KIAA2012: variants seen among roughly 807,000 people sequenced by gnomAD.
KIAA2012 encodes KIAA2012, also known as uncharacterized protein KIAA2012.
A neutral mutation model predicts 150.6 loss-of-function variants in KIAA2012; 125 were observed. The ratio of observed to expected loss-of-function variants is 0.83; its 90% CI spans 0.72 to 0.96. The LOEUF is 0.96. KIAA2012 is among the 40% of genes least tolerant of loss of function. The pLI, the probability that KIAA2012 is intolerant of heterozygous loss-of-function variation, is 0.00. For missense variants in KIAA2012, 1,219 were observed against 1,354.9 expected, an observed-to-expected ratio of 0.90 and a Z score of 1.57; for synonymous variants, 462 against 504.7, an observed-to-expected ratio of 0.92 and a Z score of 1.13.
chr2:202,173,446 G>A (rs949498128), intron 15 of KIAA2012, among the ~76,000 whole-genome samples: 3 of 152,144 alleles, frequency 2.0e-5, no homozygotes, highest in Non-Finnish European at 4.4e-5. Flanking sequence ...GCACGTGCCT[G>A]TAATCCCAGC....
intron 10 of KIAA2012, among the ~76,000 whole-genome samples, chr2:202,111,998 T>C (rs763091308): frequency 1.3e-5 from 2 of 152,184 alleles, no homozygotes; most frequent in Non-Finnish European, 1.5e-5. Context: ...ATAATATGAA[T>C]AAATTTGATC....
At chr2:202,172,140 T>C (rs1015590417) in intron 15 of KIAA2012, among the ~76,000 whole-genome samples, 2 of 152,254 alleles carry the variant, frequency 1.3e-5, no homozygotes, top group Non-Finnish European at 1.5e-5. Flanking sequence ...GCATTTACTA[T>C]GAAGCAAGAC....
chr2:202,196,186 CTTTTTT>C (rs869092899), intron 21 of KIAA2012, among the ~76,000 whole-genome samples: 2 of 79,700 alleles, frequency 2.5e-5, no homozygotes, highest in Non-Finnish European at 4.6e-5. Context: ...CTTTTCTTTT[CTTTTTT>C]TTTTTTTTTT....
At chr2:202,091,373 C>T (rs1689714801) in intron 3 of KIAA2012, among the ~76,000 whole-genome samples, 1 of 152,210 alleles carries the variant, frequency 6.6e-6, no homozygotes, top group Non-Finnish European at 1.5e-5. Flanking sequence ...GTTCCACATT[C>T]TTCCCAACAT....
At chr2:202,077,834 AAAAAG>A (rs1365930419) in intron 2 of KIAA2012, among the ~76,000 whole-genome samples, 3 of 152,194 alleles carry the variant, frequency 2.0e-5, no homozygotes, top group Non-Finnish European at 4.4e-5. Context: ...CAAATTATTT[AAAAAG>A]AAAAGAAAAG....
intron 15 of KIAA2012, among the ~76,000 whole-genome samples, chr2:202,170,355 A>G (rs1350858974): frequency 6.6e-6 from 1 of 152,164 alleles, no homozygotes; most frequent in Non-Finnish European, 1.5e-5. Context: ...TCTGTGATTC[A>G]ATGACATTGG....
intron 2 of KIAA2012, among the ~76,000 whole-genome samples, chr2:202,087,573 A>G (rs1191775006): frequency 6.6e-6 from 1 of 150,630 alleles, no homozygotes; most frequent in Admixed American, 6.6e-5. Context: ...AAGAGATTTA[A>G]TTATCTCAAG....
At chr2:202,204,203 A>G (rs1198488983) in intron 23 of KIAA2012, among the ~76,000 whole-genome samples, 1 of 151,664 alleles carries the variant, frequency 6.6e-6, no homozygotes, top group African/African-American at 2.4e-5. Context: ...CAGCCTCCCA[A>G]GTAGCTGAGA....
intron 23 of KIAA2012, among the ~76,000 whole-genome samples, chr2:202,204,012 G>A (rs1036839883): frequency 1.3e-5 from 2 of 151,246 alleles, no homozygotes; most frequent in South Asian, 2.1e-4. Context: ...CTTGTGATCC[G>A]CCTACCTTGG....
At chr2:202,192,656 C>CA (rs1211410827) in intron 19 of KIAA2012, among the ~76,000 whole-genome samples, 1 of 152,032 alleles carries the variant, frequency 6.6e-6, no homozygotes, top group Non-Finnish European at 1.5e-5. Flanking sequence ...AGGGTGTCTC[C>CA]ATGTTGGCCA....
At chr2:202,127,731 T>A (rs1257980393) in intron 12 of KIAA2012, among the ~76,000 whole-genome samples, 2 of 152,232 alleles carry the variant, frequency 1.3e-5, no homozygotes. Flanking sequence ...ATCTCTTTCC[T>A]ATTTCCAGGC....
intron 12 of KIAA2012, chr2:202,125,727 C>A: frequency 2.6e-6 from 1 of 381,970 alleles, no homozygotes. Context: ...GAGGCCAGGT[C>A]TGCCTCTCCT....
At chr2:202,201,375 G>T in intron 22 of KIAA2012, 1 of 1,585,150 alleles carries the variant, frequency 6.3e-7, no homozygotes, top group Middle Eastern at 2.0e-4. Flanking sequence ...GGTGGCCTTG[G>T]TTCCTCACCA....
At chr2:202,159,837 T>G (rs1285836968) in intron 14 of KIAA2012, among the ~76,000 whole-genome samples, 2 of 152,170 alleles carry the variant, frequency 1.3e-5, no homozygotes, top group Non-Finnish European at 2.9e-5. Context: ...AGCAAAAGTC[T>G]GTCTCAAAAA....
Position 202,138,519 on chromosome 2 carries a change from G to T in KIAA2012, c.1908+11G>T. 6.5e-7 allele frequency: 1 copy of T among 1,540,892 alleles called. No homozygotes were observed. The highest frequency in any genetic ancestry group is 1.2e-5 in the South Asian group (1 of 83,632). ...ACAACAGAGAAGCAGGTATAGTATT[G>T]ACTCTGAATGAGGATGACACTAGGA... On this transcript the variant is annotated intron_variant, in intron 13 of 23. Transcript: ENST00000498697.
At position 202,184,717 on chromosome 2, in the gene KIAA2012, T is replaced by C. The variant is rs773842763; in HGVS notation, c.2120-36T>C. 10 of 1,411,242 alleles carry C rather than the reference T, an allele frequency of 7.1e-6. No individual in the cohort carries two copies. In the South Asian group the frequency reaches 1.4e-4, roughly 19 times the overall value. The allele number at this position is 1,411,242 out of a possible 1,614,324, so 87.4% of individuals were successfully genotyped here. ...CTGATCTCCTCCTAGGATAACTGCCTGTTGTCCTTTATTGATTGATACTCT... is the reference window on the plus strand; with the variant it reads ...CTGATCTCCTCCTAGGATAACTGCCCGTTGTCCTTTATTGATTGATACTCT... On this transcript the variant is annotated intron_variant, in intron 15 of 23. Transcript: ENST00000498697.
chr2:202,194,065 G>A, intron 20 of KIAA2012, 125 bp from the exon 21 acceptor site: 1 of 1,005,410 alleles, frequency 9.9e-7, no homozygotes, highest in South Asian at 1.8e-5. Flanking sequence ...AGTCTCCTGG[G>A]AATAGGTTGC....
chr2:202,201,891 G>C, intron 22 of KIAA2012: 1 of 1,075,232 alleles, frequency 9.3e-7, no homozygotes, highest in Admixed American at 1.7e-5. Flanking sequence ...GTTCATGGTG[G>C]CTGCAGGTCC....
chr2:202,201,111 A>G (rs990406772), intron 22 of KIAA2012, among the ~76,000 whole-genome samples: 1 of 152,148 alleles, frequency 6.6e-6, no homozygotes, highest in African/African-American at 2.4e-5. Flanking sequence ...ATTACTCCAA[A>G]TTAAAGGAAG....
Sources: allele counts gnomAD v4.1 joint callset (sites outside exome capture counted in the v4.1 genomes callset), GRCh38; gene constraint gnomAD v4.1.1; transcripts MANE v1.5; gene names NCBI Gene and HGNC (gene_info 2026-07-23, HGNC 2026-07-21).